SORCS1: variants seen among roughly 807,000 people sequenced by gnomAD.
SORCS1 encodes the protein sortilin related VPS10 domain containing receptor 1.
SORCS1 carries 60 observed loss-of-function variants against 146.1 expected under a neutral mutation model. That is an observed-to-expected ratio of 0.41 (90% CI 0.33 to 0.51). The LOEUF is 0.51. SORCS1 is among the 20% of genes least tolerant of loss of function. The pLI, the probability that SORCS1 is intolerant of heterozygous loss-of-function variation, is 0.21. For missense variants in SORCS1, 1,352 were observed against 1,487.6 expected, an observed-to-expected ratio of 0.91 and a Z score of 1.50; for synonymous variants, 637 against 584.0, an observed-to-expected ratio of 1.09 and a Z score of -1.31.
intron 2 of SORCS1, among the ~76,000 whole-genome samples, chr10:106,952,768 G>A (rs1052962454): frequency 6.6e-6 from 1 of 151,306 alleles, no homozygotes; most frequent in South Asian, 2.1e-4. Flanking sequence ...TTGAACCCAG[G>A]AGCTCAAAAC....
chr10:107,153,260 C>T lies in SORCS1; in HGVS notation c.558+10709G>A, dbSNP rs561659609. Among the ~76,000 whole-genome samples the T allele has an allele frequency of 2.2e-3, 334 of 152,012 alleles. 2 individuals are homozygous for T. Among genetic ancestry groups the T allele is most frequent in the African/African-American group, 7.4e-3 (305 of 41,422 alleles). ...AGTAAACATCCTTACTGTGGCCTTA[C>T]GATACTAATATTTCGTTTTTAAGAG... On this transcript the variant is annotated intron_variant, in intron 1 of 25. Coordinates refer to ENST00000263054, the MANE Select transcript of SORCS1 (RefSeq NM_052918.5).
intron 24 of SORCS1, among the ~76,000 whole-genome samples, chr10:106,588,595 C>T (rs1241862951): frequency 6.6e-6 from 1 of 152,008 alleles, no homozygotes; most frequent in Admixed American, 6.6e-5. Flanking sequence ...GGCGCGGTGG[C>T]TCATGGCTGT....
intron 1 of SORCS1, among the ~76,000 whole-genome samples, chr10:107,026,280 G>A (rs1200000560): frequency 1.3e-5 from 2 of 152,174 alleles, no homozygotes; most frequent in Non-Finnish European, 2.9e-5. Flanking sequence ...ATTTGAAAGA[G>A]ATGCCCTGAT....
intron 2 of SORCS1, among the ~76,000 whole-genome samples, chr10:106,908,371 T>C (rs1295192750): frequency 6.6e-6 from 1 of 152,188 alleles, no homozygotes; most frequent in Non-Finnish European, 1.5e-5. Context: ...TTACGTAGAA[T>C]ATAGATGTCA....
intron 2 of SORCS1, among the ~76,000 whole-genome samples, chr10:106,865,989 C>T (rs561524855): frequency 2.3e-4 from 34 of 150,760 alleles, no homozygotes; most frequent in Non-Finnish European, 3.7e-4. Flanking sequence ...GCTGAGATCA[C>T]GCCACTGCAC....
chr10:106,922,720 C>G lies in SORCS1; in HGVS notation c.626+33793G>C, dbSNP rs147290150. 4.4e-3 allele frequency among the ~76,000 whole-genome samples: 655 copies of G among 149,496 alleles called. 8 individuals carry two copies. Among genetic ancestry groups the G allele is most frequent in the African/African-American group, 0.016 (627 of 40,438 alleles). On this transcript the variant is annotated intron_variant, in intron 2 of 25. Transcript: ENST00000263054. Reference sequence around the variant, plus strand: ...TATTATCGCCCAAATCCGCAGTTTACGTTAGGGTTCATCCTAGACTTATAT... The same window carrying G: ...TATTATCGCCCAAATCCGCAGTTTAGGTTAGGGTTCATCCTAGACTTATAT...
At chr10:106,708,647 C>G (rs1350563172) in intron 7 of SORCS1, among the ~76,000 whole-genome samples, 1 of 152,168 alleles carries the variant, frequency 6.6e-6, no homozygotes, top group Non-Finnish European at 1.5e-5. Flanking sequence ...GGTGAAAAAC[C>G]TGGCTGAATA....
chr10:106,818,029 A>G (rs1947827485), intron 3 of SORCS1, among the ~76,000 whole-genome samples: 1 of 152,148 alleles, frequency 6.6e-6, no homozygotes, highest in South Asian at 2.1e-4. Context: ...GGGATGGTAA[A>G]CTCCGTAAGA....
intron 3 of SORCS1, among the ~76,000 whole-genome samples, chr10:106,814,826 A>G (rs1947651397): frequency 6.9e-6 from 1 of 144,614 alleles, no homozygotes; most frequent in Non-Finnish European, 1.5e-5. Flanking sequence ...GAGGCAGGAG[A>G]ATGACGTAAA....
At chr10:106,852,536 G>A (rs779565419) in intron 2 of SORCS1, among the ~76,000 whole-genome samples, 3 of 149,750 alleles carry the variant, frequency 2.0e-5, no homozygotes, top group Non-Finnish European at 4.4e-5. Context: ...GCTGAGGCAG[G>A]AGAATCACTT....
chr10:107,122,262 G>A (rs974467443), intron 1 of SORCS1, among the ~76,000 whole-genome samples: 19 of 152,146 alleles, frequency 1.2e-4, no homozygotes, highest in Admixed American at 9.2e-4. Flanking sequence ...CTGATATTTC[G>A]TCCATGTACT....
chr10:106,971,058 A>T (rs1465989997), intron 1 of SORCS1, among the ~76,000 whole-genome samples: 4 of 151,906 alleles, frequency 2.6e-5, no homozygotes, highest in East Asian at 3.9e-4. Context: ...CCTGCTTCCA[A>T]CAACTTTTAC....
chr10:106,989,772 C>G (rs1191429488), intron 1 of SORCS1, among the ~76,000 whole-genome samples: 1 of 148,456 alleles, frequency 6.7e-6, no homozygotes, highest in East Asian at 2.0e-4. Context: ...CTGCAAGCTC[C>G]ACCTCCCAGC....
In SORCS1 at chr10:106,672,910, C is replaced by A. The variant is rs1470429302; in HGVS notation, c.2016G>T (p.Arg672=). 6.2e-7 allele frequency: 1 copy of A among 1,614,150 alleles called. No homozygotes were observed. The highest frequency in any genetic ancestry group is 8.5e-7 in the Non-Finnish European group (1 of 1,180,002). ...AAGGTCTGTAGTCCTCTTCGGCACA[C>A]CGTCTATCAAAAATGGACTTGTAAT... The part of the protein sequence containing the change: ...KVDYKSIFDR[R]CAEEDYRPWQ... The change falls in exon 15 of 26, where the codon CGG becomes CGT. Residue 672 remains arginine, a synonymous_variant. Transcript: ENST00000263054.
intron 2 of SORCS1, among the ~76,000 whole-genome samples, chr10:106,935,033 T>C (rs2138648023): frequency 6.6e-6 from 1 of 151,916 alleles, no homozygotes; most frequent in Non-Finnish European, 1.5e-5. Context: ...ATCCATGTAA[T>C]CAAAAACCAC....
intron 10 of SORCS1, among the ~76,000 whole-genome samples, chr10:106,686,222 G>T (rs1214821586): frequency 6.6e-6 from 1 of 152,186 alleles, no homozygotes; most frequent in Non-Finnish European, 1.5e-5. Flanking sequence ...TGCTGGCTTG[G>T]ATTAGGGCAG....
At chr10:106,798,300 T>C (rs1217688035) in intron 3 of SORCS1, among the ~76,000 whole-genome samples, 1 of 152,252 alleles carries the variant, frequency 6.6e-6, no homozygotes, top group South Asian at 2.1e-4. Context: ...TCTTGTCTTT[T>C]TTTTATACTT....
chr10:106,790,480 A>G (rs1327815730), intron 3 of SORCS1, among the ~76,000 whole-genome samples: 1 of 152,204 alleles, frequency 6.6e-6, no homozygotes, highest in Non-Finnish European at 1.5e-5. Context: ...GGAACTAAGG[A>G]AGGGCAAGGA....
the SORCS1 span, among the ~76,000 whole-genome samples, chr10:107,177,551 T>G: frequency 1.3e-5 from 2 of 152,180 alleles, no homozygotes; most frequent in Non-Finnish European, 2.9e-5. Flanking sequence ...TCATTATAGT[T>G]AAAAATAATG....
Sources: gnomAD v4.1 joint callset for allele counts (sites outside exome capture counted in the v4.1 genomes callset) on GRCh38, gnomAD v4.1.1 for gene constraint, MANE v1.5 for transcripts, NCBI Gene and HGNC (gene_info 2026-07-23, HGNC 2026-07-21) for gene names.